Variants in CPLX1 observed in about 807,000 individuals in gnomAD.
CPLX1 encodes complexin 1, also known as complexin-1.
A neutral mutation model predicts 15.6 loss-of-function variants in CPLX1; 6 were observed. The ratio of observed to expected loss-of-function variants is 0.39; its 90% CI spans 0.21 to 0.76. CPLX1 has a LOEUF of 0.76. CPLX1 is among the 30% of genes least tolerant of loss of function. The pLI is 0.43. For synonymous variants in CPLX1, 91 were observed against 75.2 expected, an observed-to-expected ratio of 1.21 and a Z score of -1.08; for missense variants, 242 against 188.6, an observed-to-expected ratio of 1.28 and a Z score of -1.66.
intron 2 of CPLX1, among the ~76,000 whole-genome samples, chr4:801,467 A>G (rs964617029): frequency 6.6e-6 from 1 of 152,250 alleles, no homozygotes; most frequent in East Asian, 1.9e-4. Flanking sequence ...ATAGTCATGG[A>G]CCATGTAAAG....
intron 2 of CPLX1, among the ~76,000 whole-genome samples, chr4:815,299 T>G (rs914382240): frequency 1.5e-4 from 22 of 150,642 alleles, no homozygotes; most frequent in Non-Finnish European, 8.8e-5. Context: ...TAATCCCAGC[T>G]ACTCGAGAGG....
At chr4:798,801 T>G (rs1746397541) in intron 2 of CPLX1, among the ~76,000 whole-genome samples, 1 of 152,162 alleles carries the variant, frequency 6.6e-6, no homozygotes, top group African/African-American at 2.4e-5. Context: ...AAAAATGAAC[T>G]CACAATCAAT....
At chr4:786,880 G>A (rs1263563041) in intron 3 of CPLX1, 182 bp from the exon 4 acceptor site, 2 of 983,456 alleles carry the variant, frequency 2.0e-6, no homozygotes, top group East Asian at 1.1e-4. Flanking sequence ...TGGAGGAATG[G>A]GAAGCCCCCA....
At chr4:822,892 A>G (rs1336521769) in intron 2 of CPLX1, among the ~76,000 whole-genome samples, 1 of 152,142 alleles carries the variant, frequency 6.6e-6, no homozygotes, top group African/African-American at 2.4e-5. Flanking sequence ...CTGCAAAGCC[A>G]ATGTGGGGTG....
At chr4:812,873 C>T (rs1313521398) in intron 2 of CPLX1, among the ~76,000 whole-genome samples, 10 of 152,152 alleles carry the variant, frequency 6.6e-5, no homozygotes, top group African/African-American at 2.4e-4. Flanking sequence ...TGCCAGGCAC[C>T]CTTACAAATG....
intron 2 of CPLX1, among the ~76,000 whole-genome samples, chr4:822,626 G>A (rs1451333487): frequency 6.6e-6 from 1 of 152,122 alleles, no homozygotes; most frequent in Non-Finnish European, 1.5e-5. Context: ...TCTCCTGCCA[G>A]CTTCTTTGTG....
At chr4:811,532 G>A (rs1404168243) in intron 2 of CPLX1, among the ~76,000 whole-genome samples, 2 of 152,198 alleles carry the variant, frequency 1.3e-5, no homozygotes, top group Non-Finnish European at 2.9e-5. Context: ...AGATTTTCTA[G>A]ATACCTTTCT....
intron 2 of CPLX1, among the ~76,000 whole-genome samples, chr4:813,633 G>A (rs977450605): frequency 1.3e-5 from 2 of 152,208 alleles, no homozygotes; most frequent in Non-Finnish European, 2.9e-5. Context: ...CTAAAGGGCA[G>A]AAGTGATTCC....
chr4:825,540 C>G (rs117356246), intron 1 of CPLX1, among the ~76,000 whole-genome samples: 12,337 of 151,926 alleles, frequency 0.081, 589 homozygotes, highest in East Asian at 0.22. Context: ...GGCCCCGCCG[C>G]ACCCGCACCC....
At position 786,604 on chromosome 4, in the gene CPLX1, A is replaced by C; in HGVS notation, c.302T>G (p.Ile101Ser). 1 of 1,612,076 alleles carries C rather than the reference A, an allele frequency of 6.2e-7. No individual in the cohort carries two copies. Among genetic ancestry groups the C allele is most frequent in the Non-Finnish European group, 8.5e-7 (1 of 1,179,316 alleles). ...EGSLTRPKKA[I>S]PPGCGDEVEE... is the part of the protein sequence containing the mutation. ...CACCTCGTCCCCGCAGCCCGGCGGGATGGCCTTCTTGGGCCGCGTCAAGCT... is the reference window on the plus strand; with the variant it reads ...CACCTCGTCCCCGCAGCCCGGCGGGCTGGCCTTCTTGGGCCGCGTCAAGCT... The change falls in exon 4 of 4, where the codon ATC becomes AGC. Residue 101 changes from isoleucine to serine, a missense_variant. Physicochemically the swap from Ile to Ser is moderately radical, Grantham distance 142. Transcript: ENST00000304062.
chr4:790,630 C>T (rs539883606), intron 3 of CPLX1, among the ~76,000 whole-genome samples: 3 of 152,268 alleles, frequency 2.0e-5, no homozygotes, highest in African/African-American at 7.2e-5. Context: ...GAACAGCCAG[C>T]GTCCCTCTAG....
At chr4:801,773 G>A (rs1339074687) in intron 2 of CPLX1, among the ~76,000 whole-genome samples, 3 of 152,354 alleles carry the variant, frequency 2.0e-5, no homozygotes, top group African/African-American at 4.8e-5. Flanking sequence ...ATGACTGCAC[G>A]AAAAGACACA....
chr4:802,876 G>A (rs962937021), intron 2 of CPLX1, among the ~76,000 whole-genome samples: 20 of 151,824 alleles, frequency 1.3e-4, no homozygotes, highest in Non-Finnish European at 2.5e-4. Context: ...GCTTGAACTC[G>A]GGAGGCAGAT....
intron 2 of CPLX1, chr4:804,684 AT>A: frequency 1.0e-6 from 1 of 960,374 alleles, no homozygotes; most frequent in Non-Finnish European, 1.2e-6. Flanking sequence ...TTTGGATAAA[AT>A]TAAGGTTCAT....
At position 786,429 on chromosome 4, in the gene CPLX1, C is replaced by T. The variant is rs1232993082; in HGVS notation, c.*72G>A. The stretch of plus-strand genomic sequence containing the variant: ...GCGTGGGGGCTGCGCTCTGCTCGTC[C>T]CTCAGGGGCCTCCGCGGAGGATCTG... On this transcript the variant is annotated 3_prime_UTR_variant, in exon 4 of 4. Coordinates refer to ENST00000304062, the MANE Select transcript of CPLX1 (RefSeq NM_006651.4). 3 of 1,463,400 alleles carry T rather than the reference C, an allele frequency of 2.1e-6. No individual in the cohort carries two copies. The African/African-American group carries it at 4.3e-5, about 21-fold the overall frequency. The allele number at this position is 1,463,400 out of a possible 1,614,324, so 90.7% of individuals were successfully genotyped here. A position where few individuals can be genotyped will look rare whatever the true frequency, so the allele number is the denominator to read the frequency against.
chr4:816,642 A>G (rs1746761246), intron 2 of CPLX1, among the ~76,000 whole-genome samples: 1 of 151,984 alleles, frequency 6.6e-6, no homozygotes, highest in Non-Finnish European at 1.5e-5. Context: ...CCTGGGAAAC[A>G]TGGTGGGACC....
chr4:810,207 G>A (rs1322702764), intron 2 of CPLX1, among the ~76,000 whole-genome samples: 9 of 151,852 alleles, frequency 5.9e-5, no homozygotes, highest in Non-Finnish European at 1.0e-4. Flanking sequence ...CTGCAACCAC[G>A]CCCGGCTAAT....
chr4:800,031 G>C (rs935154108), intron 2 of CPLX1, among the ~76,000 whole-genome samples: 6 of 152,108 alleles, frequency 3.9e-5, no homozygotes, highest in African/African-American at 1.4e-4. Flanking sequence ...TGGGATGGAG[G>C]GGGCAGCCTT....
intron 2 of CPLX1, chr4:804,953 G>A (rs759606308): frequency 1.1e-5 from 11 of 984,568 alleles, no homozygotes; most frequent in African/African-American, 1.7e-5. Flanking sequence ...TTCACCCGGC[G>A]TCCCACTCCT....
Sources: allele counts gnomAD v4.1 joint callset (sites outside exome capture counted in the v4.1 genomes callset), GRCh38; gene constraint gnomAD v4.1.1; transcripts MANE v1.5; gene names NCBI Gene and HGNC (gene_info 2026-07-23, HGNC 2026-07-21).